The following UNC13C variants were observed in gnomAD, a reference collection of about 807,000 sequenced individuals.
UNC13C encodes protein unc-13 homolog C.
Under a neutral mutation model 245.4 loss-of-function variants are expected in UNC13C, and 174 were observed. The observed-to-expected ratio is 0.71, with a 90% CI of 0.63 to 0.80. The LOEUF (loss-of-function observed/expected upper bound fraction) is 0.80. Among genes scored for constraint, UNC13C ranks in the 30% least tolerant of loss-of-function variants. The pLI is 0.00. For missense variants in UNC13C, 2,829 were observed against 2,602.9 expected (o/e 1.09, Z -1.89); for synonymous variants, 992 against 895.1 (o/e 1.11, Z -1.93).
chr15:54,457,330 G>A (rs1891586616), intron 19 of UNC13C, among the ~76,000 whole-genome samples: 1 of 151,934 alleles, frequency 6.6e-6, no homozygotes, highest in South Asian at 2.1e-4. Flanking sequence ...GATATGTTCT[G>A]TAGTTTTCTT....
chr15:54,061,922 C>G (rs1897855859), intron 2 of UNC13C, among the ~76,000 whole-genome samples: 2 of 152,146 alleles, frequency 1.3e-5, no homozygotes, highest in African/African-American at 2.4e-5. Context: ...AAAAATGCCC[C>G]TCAGAATTTG....
At chr15:54,542,953 G>C (rs539186971) in intron 26 of UNC13C, among the ~76,000 whole-genome samples, 1 of 151,946 alleles carries the variant, frequency 6.6e-6, no homozygotes, top group Non-Finnish European at 1.5e-5. Flanking sequence ...TCTTTATCCA[G>C]TTTACCAGTC....
the UNC13C span, among the ~76,000 whole-genome samples, chr15:53,840,409 A>G: frequency 3.3e-5 from 5 of 152,114 alleles, no homozygotes; most frequent in African/African-American, 4.8e-5. Context: ...AATATTCTCT[A>G]GAAAGCCATT....
intron 12 of UNC13C, among the ~76,000 whole-genome samples, chr15:54,299,210 C>T (rs1284626997): frequency 1.3e-5 from 2 of 152,086 alleles, no homozygotes; most frequent in Admixed American, 1.3e-4. Flanking sequence ...TTCTACTGGT[C>T]CAAGAACCAG....
At chr15:54,473,919 A>T (rs1460151340) in intron 19 of UNC13C, among the ~76,000 whole-genome samples, 1 of 151,576 alleles carries the variant, frequency 6.6e-6, no homozygotes, top group Middle Eastern at 3.2e-3. Context: ...ATTATCTATC[A>T]TTCCACTCTC....
At chr15:54,000,690 A>G (rs1200401309) in intron 1 of UNC13C, among the ~76,000 whole-genome samples, 2 of 152,118 alleles carry the variant, frequency 1.3e-5, no homozygotes, top group African/African-American at 4.8e-5. Context: ...GAATTTATGG[A>G]CAGATAGAAT....
At chr15:54,406,666 G>A (rs534711634) in intron 18 of UNC13C, among the ~76,000 whole-genome samples, 5 of 152,250 alleles carry the variant, frequency 3.3e-5, no homozygotes, top group South Asian at 2.1e-4. Context: ...CTTGTGTCAC[G>A]AGTACAATTA....
intron 25 of UNC13C, among the ~76,000 whole-genome samples, chr15:54,532,084 T>G (rs1895772771): frequency 6.6e-6 from 1 of 152,168 alleles, no homozygotes; most frequent in South Asian, 2.1e-4. Context: ...TAAACTTGTG[T>G]CACAGGGGTT....
intron 1 of UNC13C, among the ~76,000 whole-genome samples, chr15:54,009,478 G>A (rs1895283895): frequency 6.6e-6 from 1 of 151,782 alleles, no homozygotes; most frequent in Admixed American, 6.6e-5. Context: ...ATGAGGAAAT[G>A]CTATTTCTGT....
chr15:54,168,368 T>C (rs898007848), intron 4 of UNC13C, among the ~76,000 whole-genome samples: 1 of 152,188 alleles, frequency 6.6e-6, no homozygotes, highest in Non-Finnish European at 1.5e-5. Context: ...AATATAGTTA[T>C]GCAATGTGTA....
chr15:53,844,321 T>A, the UNC13C span, among the ~76,000 whole-genome samples: 1 of 152,124 alleles, frequency 6.6e-6, no homozygotes, highest in Non-Finnish European at 1.5e-5. Flanking sequence ...CAGAGTCCAA[T>A]GTCCATTAAA....
intron 2 of UNC13C, chr15:54,048,769 G>T: frequency 3.9e-6 from 1 of 254,338 alleles, no homozygotes; most frequent in Non-Finnish European, 8.0e-6. Flanking sequence ...ACACTGATGT[G>T]AACCAGAGGG....
chr15:53,945,638 TTA>T, the UNC13C span, among the ~76,000 whole-genome samples: 1 of 152,224 alleles, frequency 6.6e-6, no homozygotes, highest in Non-Finnish European at 1.5e-5. Flanking sequence ...GCTGTTTTTG[TTA>T]CCATAGCCCT....
chr15:54,056,174 G>A (rs1486450639), intron 2 of UNC13C, among the ~76,000 whole-genome samples: 1 of 152,138 alleles, frequency 6.6e-6, no homozygotes, highest in African/African-American at 2.4e-5. Flanking sequence ...GCTAAAGGAG[G>A]AAGTTTGAAC....
intron 30 of UNC13C, among the ~76,000 whole-genome samples, chr15:54,594,433 A>T (rs965836319): frequency 6.6e-6 from 1 of 151,968 alleles, no homozygotes; most frequent in Non-Finnish European, 1.5e-5. Context: ...GTGGGTAGGG[A>T]AGGATCATCA....
intron 4 of UNC13C, among the ~76,000 whole-genome samples, chr15:54,204,386 G>T (rs919914451): frequency 1.4e-5 from 2 of 142,086 alleles, no homozygotes; most frequent in African/African-American, 2.6e-5. Flanking sequence ...CAATAAAAAA[G>T]AATTTGCGAT....
intron 24 of UNC13C, among the ~76,000 whole-genome samples, chr15:54,520,876 T>G (rs1895188341): frequency 6.6e-6 from 1 of 152,186 alleles, no homozygotes; most frequent in South Asian, 2.1e-4. Context: ...CTGACACTGT[T>G]GTAAGCAGTC....
chr15:54,077,493 C>T (rs576587174), intron 2 of UNC13C, among the ~76,000 whole-genome samples: 24 of 146,996 alleles, frequency 1.6e-4, no homozygotes, highest in Middle Eastern at 3.7e-3. Context: ...ATTCTCCTGC[C>T]TCAGCCTCCC....
intron 18 of UNC13C, among the ~76,000 whole-genome samples, chr15:54,410,376 T>C (rs1314038756): frequency 1.3e-5 from 2 of 152,174 alleles, no homozygotes; most frequent in African/African-American, 4.8e-5. Context: ...TTTAGTTTAA[T>C]TAAATCCCAC....
Sources: allele counts gnomAD v4.1 joint callset (sites outside exome capture counted in the v4.1 genomes callset), GRCh38; gene constraint gnomAD v4.1.1; transcripts MANE v1.5; gene names NCBI Gene and HGNC (gene_info 2026-07-23, HGNC 2026-07-21).